Variants in NLGN1 observed in about 807,000 individuals in gnomAD.
The protein encoded by NLGN1 is neuroligin 1, also known as neuroligin-1.
A neutral mutation model predicts 65.5 loss-of-function variants in NLGN1; 12 were observed. That is an observed-to-expected ratio of 0.18 (90% CI 0.12 to 0.30). The LOEUF is 0.30. Among genes scored for constraint, NLGN1 ranks in the 10% least tolerant of loss-of-function variants. The pLI is 1.00. For missense variants in NLGN1, 750 were observed against 1,007.1 expected (o/e 0.74, Z 3.46); for synonymous variants, 350 against 359.5 (o/e 0.97, Z 0.30).
At chr3:174,286,027 T>A (rs1486416135) in exon 7 of NLGN1, 1 of 151,402 alleles carries the variant, frequency 6.6e-6, no homozygotes, top group African/African-American at 2.4e-5. Context: ...AAAATTTAAA[T>A]CTCTAGCAAA....
chr3:173,454,716 G>T (rs1453224170), intron 2 of NLGN1, among the ~76,000 whole-genome samples: 1 of 152,212 alleles, frequency 6.6e-6, no homozygotes, highest in Non-Finnish European at 1.5e-5. Context: ...CTTGAGAGAA[G>T]CCCCTTGAGG....
chr3:173,737,991 C>T (rs935087936), intron 3 of NLGN1, among the ~76,000 whole-genome samples: 1 of 151,990 alleles, frequency 6.6e-6, no homozygotes, highest in African/African-American at 2.4e-5. Context: ...ATTTGTATTT[C>T]CCTGAAGGCT....
intron 4 of NLGN1, among the ~76,000 whole-genome samples, chr3:173,978,626 G>A (rs1579538373): frequency 6.6e-6 from 1 of 151,794 alleles, no homozygotes; most frequent in African/African-American, 2.4e-5. Context: ...TCAAAAGAAT[G>A]TGATGTCATT....
At chr3:173,832,174 G>A (rs1722727720) in intron 4 of NLGN1, among the ~76,000 whole-genome samples, 1 of 150,720 alleles carries the variant, frequency 6.6e-6, no homozygotes, top group African/African-American at 2.4e-5. Flanking sequence ...GTGTTGCCCA[G>A]TCTGGTCTTG....
chr3:173,618,900 A>G (rs1468603253), intron 3 of NLGN1, among the ~76,000 whole-genome samples: 2 of 152,148 alleles, frequency 1.3e-5, no homozygotes, highest in East Asian at 1.9e-4. Flanking sequence ...TTGCAGAGTG[A>G]TAGAGAAGAG....
chr3:173,778,592 T>G (rs951407178), intron 3 of NLGN1, among the ~76,000 whole-genome samples: 2 of 151,930 alleles, frequency 1.3e-5, no homozygotes, highest in African/African-American at 4.8e-5. Context: ...CTTTTTGTTT[T>G]TCTGCTTTAA....
chr3:173,957,710 T>C (rs1205689502), intron 4 of NLGN1, among the ~76,000 whole-genome samples: 1 of 152,220 alleles, frequency 6.6e-6, no homozygotes, highest in African/African-American at 2.4e-5. Context: ...TTCTGCTCCC[T>C]CCTATGGTCC....
At chr3:173,412,444 G>A (rs1431163779) in intron 1 of NLGN1, among the ~76,000 whole-genome samples, 1 of 151,890 alleles carries the variant, frequency 6.6e-6, no homozygotes, top group Non-Finnish European at 1.5e-5. Context: ...CTATGATAGG[G>A]TTGAGAGAAT....
intron 4 of NLGN1, among the ~76,000 whole-genome samples, chr3:173,980,778 G>C (rs986853151): frequency 6.6e-6 from 1 of 152,030 alleles, no homozygotes; most frequent in Non-Finnish European, 1.5e-5. Flanking sequence ...TTGGGCAGGG[G>C]TGGGAATTAT....
chr3:174,211,468 A>T (rs1736500981), intron 4 of NLGN1, among the ~76,000 whole-genome samples: 1 of 151,968 alleles, frequency 6.6e-6, no homozygotes, highest in African/African-American at 2.4e-5. Flanking sequence ...CGGTTGTTGC[A>T]TTCACAAACC....
intron 4 of NLGN1, among the ~76,000 whole-genome samples, chr3:174,118,758 A>T (rs767420389): frequency 3.0e-4 from 46 of 152,150 alleles, no homozygotes; most frequent in Non-Finnish European, 6.2e-4. Flanking sequence ...ATTTGGAATG[A>T]TCTGGAGAGG....
intron 1 of NLGN1, among the ~76,000 whole-genome samples, chr3:173,433,297 A>T (rs1334752381): frequency 2.6e-5 from 4 of 152,066 alleles, no homozygotes; most frequent in Non-Finnish European, 5.9e-5. Flanking sequence ...TCTATGTCTG[A>T]ACTTGCCTCT....
intron 4 of NLGN1, among the ~76,000 whole-genome samples, chr3:174,007,470 A>G (rs888120823): frequency 4.6e-5 from 7 of 152,138 alleles, no homozygotes; most frequent in Admixed American, 1.3e-4. Context: ...TCAAAACCAC[A>G]TTGCCTGAAT....
chr3:173,963,870 G>T (rs1375724419), intron 4 of NLGN1, among the ~76,000 whole-genome samples: 2 of 152,114 alleles, frequency 1.3e-5, no homozygotes, highest in Non-Finnish European at 2.9e-5. Flanking sequence ...AGGAGTAAAT[G>T]GTAGGTGGGT....
chr3:173,851,128 A>G (rs958619878), intron 4 of NLGN1, among the ~76,000 whole-genome samples: 2 of 152,158 alleles, frequency 1.3e-5, no homozygotes, highest in Non-Finnish European at 2.9e-5. Flanking sequence ...ATTGATCAAG[A>G]CCACTGTCCA....
intron 3 of NLGN1, among the ~76,000 whole-genome samples, chr3:173,655,953 T>C (rs991957163): frequency 1.3e-5 from 2 of 152,050 alleles, no homozygotes; most frequent in Non-Finnish European, 2.9e-5. Flanking sequence ...GAAAGTACAC[T>C]CCACAGAGTG....
At chr3:173,709,983 A>T (rs1020680303) in intron 3 of NLGN1, among the ~76,000 whole-genome samples, 5 of 152,134 alleles carry the variant, frequency 3.3e-5, no homozygotes, top group African/African-American at 1.2e-4. Context: ...ATAAATACTA[A>T]TGCAATACCC....
intron 4 of NLGN1, among the ~76,000 whole-genome samples, chr3:174,070,190 G>A (rs953935065): frequency 1.3e-5 from 2 of 152,060 alleles, no homozygotes; most frequent in Non-Finnish European, 2.9e-5. Context: ...GGCTATGAAA[G>A]GCTAAATTTA....
intron 4 of NLGN1, among the ~76,000 whole-genome samples, chr3:174,274,202 A>AGAT (rs949187806): frequency 6.6e-6 from 1 of 151,826 alleles, no homozygotes; most frequent in Non-Finnish European, 1.5e-5. Context: ...ATAGTCCATA[A>AGAT]GATGGAGTAT....
Sources: gnomAD v4.1 joint callset for allele counts (sites outside exome capture counted in the v4.1 genomes callset) on GRCh38, gnomAD v4.1.1 for gene constraint, MANE v1.5 for transcripts, NCBI Gene and HGNC (gene_info 2026-07-23, HGNC 2026-07-21) for gene names.